The following SPAG8 variants were observed in gnomAD, a reference collection of about 807,000 sequenced individuals.
The protein encoded by SPAG8 is sperm-associated antigen 8.
A neutral mutation model predicts 45.3 loss-of-function variants in SPAG8; 36 were observed. The observed-to-expected ratio is 0.80, with a 90% CI of 0.61 to 1.05. SPAG8 has a LOEUF of 1.05. Ranked by LOEUF, SPAG8 falls within the 50% of genes least tolerant of loss-of-function variation. The pLI, the probability that SPAG8 is intolerant of heterozygous loss-of-function variation, is 0.00. For synonymous variants in SPAG8, 227 were observed against 232.6 expected, an observed-to-expected ratio of 0.98 and a Z score of 0.22; for missense variants, 573 against 609.2, an observed-to-expected ratio of 0.94 and a Z score of 0.63.
downstream of SPAG8, chr9:35,807,943 G>C (rs553859234): frequency 3.7e-6 from 2 of 544,536 alleles, no homozygotes; most frequent in African/African-American, 1.9e-5. Context: ...TCGTTGTATG[G>C]AAAGTACCTA....
Position 35,810,529 on chromosome 9 carries a change from T to C in SPAG8, c.1110A>G (p.Glu370=). 1 of 1,614,062 alleles carries C rather than the reference T, an allele frequency of 6.2e-7. No homozygotes were observed. Among genetic ancestry groups the C allele is most frequent in the Non-Finnish European group, 8.5e-7 (1 of 1,179,998 alleles). ...QICKEVQAEQ[E]PTRKLFEVES... Reference sequence around the variant, plus strand: ...CAACCTCGAAGAGCTTCCTTGTGGGTTCCTGTTCTGCCTGCACCTCTTTAC... The same window carrying C: ...CAACCTCGAAGAGCTTCCTTGTGGGCTCCTGTTCTGCCTGCACCTCTTTAC... The change falls in exon 5 of 7, where the codon GAA becomes GAG. Residue 370 remains glutamate (E), a synonymous_variant. Transcript: ENST00000396638.
In SPAG8 at chr9:35,811,233, GC is replaced by G; in HGVS notation, c.812del (p.Cys271SerfsTer47). ...ACTGGCCCCGCGGCAAAGTTTCATA[GC>G]AAACCATAAGCTTCCCTTTAATGTC... ...PPDIKGKLMV[C>X]YETLPRGQCL... On this transcript the variant is annotated frameshift_variant, in exon 2 of 7. Coordinates refer to ENST00000396638, the MANE Select transcript of SPAG8 (RefSeq NM_001039592.2). LOFTEE classifies it high-confidence loss of function. 2 of 1,599,052 alleles carry G rather than the reference GC, an allele frequency of 1.3e-6. No individual in the cohort carries two copies. Among genetic ancestry groups the G allele is most frequent in the Middle Eastern group, 1.7e-4 (1 of 5,972 alleles).
In SPAG8 at chr9:35,811,547, A is replaced by T. The variant is rs1828800487; in HGVS notation, c.499T>A (p.Ser167Thr). 6.2e-7 allele frequency: 1 copy of T among 1,606,898 alleles called. No individual in the cohort carries two copies. Residue 167 changes from serine (S) to threonine (T), a missense_variant, in exon 2 of 7, where the codon TCT becomes ACT. Ser to Thr is a moderately conservative substitution (Grantham distance 58). Transcript: ENST00000396638. ...GGACCAGAGCCAGAGCCAGGGACAG[A>T]GCCACAGCCAGGACCAGAGCCAGAG... The part of the protein sequence containing the change: ...SGSGSGPGCG[S>T]VPGSGSGPGP...
downstream of SPAG8, chr9:35,808,286 T>G: frequency 6.2e-7 from 1 of 1,612,480 alleles, no homozygotes; most frequent in South Asian, 1.1e-5. This position sits in a 1 kb window ranked among gnomAD's most constrained non-coding sequence, Gnocchi z 4.0. Flanking sequence ...CCGCAAATGT[T>G]TACTGAGTAT....
Position 35,810,296 on chromosome 9 carries a change from C to A in SPAG8, c.1214G>T (p.Arg405Leu), listed in dbSNP as rs370343464. Reference sequence around the variant, plus strand: ...CCAGAAGGTCTCAGGTTGCTCCTGGCGGTAGTCGTGAGGCTGTGAGGGAGG... The same window carrying A: ...CCAGAAGGTCTCAGGTTGCTCCTGGAGGTAGTCGTGAGGCTGTGAGGGAGG... ...TPAPTKPHDY[R>L]QEQPETFWIQ... The change falls in exon 6 of 7, where the codon CGC becomes CTC. Residue 405 changes from arginine (R) to leucine (L), a missense_variant. Physicochemically the swap from Arg to Leu is moderately radical, Grantham distance 102. Coordinates refer to ENST00000396638, the MANE Select transcript of SPAG8 (RefSeq NM_001039592.2). The A allele has an allele frequency of 1.2e-6, 2 of 1,614,128 alleles. No individual in the cohort carries two copies. The highest frequency in any genetic ancestry group is 1.7e-6 in the Non-Finnish European group (2 of 1,179,990).
chr9:35,811,360 GTA>G lies in SPAG8; in HGVS notation c.684_685del (p.Thr229LeufsTer36). On this transcript the variant is annotated frameshift_variant, in exon 2 of 7. Transcript: ENST00000396638. LOFTEE classifies it high-confidence loss of function. ...CCAGGGGCAGTGCTGACTCCAGGAG[GTA>G]TAGTTAGGGACCCGATCTGCCACCA... The G allele has an allele frequency of 6.2e-7, 1 of 1,614,168 alleles. No homozygotes were observed. The highest frequency in any genetic ancestry group is 1.1e-5 in the South Asian group (1 of 91,088).
rs1356676550 is a variant in SPAG8 at position 35,810,950 on chromosome 9, G to A, written c.972C>T (p.Pro324=). 3 of 1,614,004 alleles carry A rather than the reference G, an allele frequency of 1.9e-6. No homozygotes were observed. Among genetic ancestry groups the A allele is most frequent in the Non-Finnish European group, 2.5e-6 (3 of 1,180,034 alleles). The part of the protein sequence containing the change: ...RGLLTMQLKS[P]MPSSTTQKDS... ...CTTTCTGGGTGGTGCTGGAGGGCAT[G>A]GGTGACTTTAGTTGCATAGTCAGCA... Residue 324 remains proline (P), a synonymous_variant, in exon 3 of 7, where the codon CCC becomes CCT. Coordinates refer to ENST00000396638, the MANE Select transcript of SPAG8 (RefSeq NM_001039592.2).
downstream of SPAG8, chr9:35,808,132 T>C (rs1276310007): frequency 7.0e-7 from 1 of 1,428,788 alleles, no homozygotes; most frequent in East Asian, 2.3e-5. The surrounding 1 kb of genome is among the most constrained non-coding windows in gnomAD (Gnocchi z 4.0). Flanking sequence ...CTCTGACAGT[T>C]TGGGCTGTCA....
At chr9:35,808,540 T>C (rs919659730), downstream of SPAG8, 5 of 1,613,964 alleles carry the variant, frequency 3.1e-6, no homozygotes, top group Non-Finnish European at 3.4e-6. This position sits in a 1 kb window ranked among gnomAD's most constrained non-coding sequence, Gnocchi z 4.0. Flanking sequence ...TACATGGTGG[T>C]ATCTGGCCTC....
In SPAG8 at chr9:35,811,896, TGCTGCGGTTGCA is replaced by T. The variant is rs746351369; in HGVS notation, c.138_149del (p.Thr48_Ala51del). 6.2e-7 allele frequency: 1 copy of T among 1,609,468 alleles called. No homozygotes were observed. The highest frequency in any genetic ancestry group is 1.7e-5 in the Admixed American group (1 of 59,918). Reference sequence around the variant, plus strand: ...CAGCAGCTGATGCAGCCGCTGCAGCTGCTGCGGTTGCAGCTGCCAGGGCCGACCTGGGACTGT... The same window carrying T: ...CAGCAGCTGATGCAGCCGCTGCAGCTGCTGCCAGGGCCGACCTGGGACTGT... On this transcript the variant is annotated inframe_deletion, in exon 2 of 7. Transcript: ENST00000396638.
chr9:35,811,453 C>G lies in SPAG8; in HGVS notation c.593G>C (p.Gly198Ala), dbSNP rs148137070. 1.6e-5 allele frequency: 26 copies of G among 1,613,536 alleles called. No individual in the cohort carries two copies. The African/African-American group carries it at 3.5e-4, about 22-fold the overall frequency. Residue 198 changes from glycine to alanine, a missense_variant, in exon 2 of 7, where the codon GGG becomes GCG. By Grantham distance (60) the Gly-to-Ala change is moderately conservative. Transcript: ENST00000396638. ...GTCAGGGCCAGTGTCTGGACCAGGC[C>G]CAGAGGCAGGACCAGGATGAGAGCC... ...GSGSHPGPAS[G>A]PGPDTGPDSE...
At position 35,811,460 on chromosome 9, in the gene SPAG8, C is replaced by A; in HGVS notation, c.586G>T (p.Ala196Ser). The change falls in exon 2 of 7, where the codon GCC becomes TCC. Residue 196 changes from alanine to serine, a missense_variant. Physicochemically the swap from Ala to Ser is moderately conservative, Grantham distance 99. Transcript: ENST00000396638. Reference sequence around the variant, plus strand: ...CCAGTGTCTGGACCAGGCCCAGAGGCAGGACCAGGATGAGAGCCAGAGCCA... The same window carrying A: ...CCAGTGTCTGGACCAGGCCCAGAGGAAGGACCAGGATGAGAGCCAGAGCCA... ...GHGSGSHPGP[A>S]SGPGPDTGPD... is the part of the protein sequence containing the mutation. 1 of 1,613,630 alleles carries A rather than the reference C, an allele frequency of 6.2e-7. No individual in the cohort carries two copies. The highest frequency in any genetic ancestry group is 8.5e-7 in the Non-Finnish European group (1 of 1,179,674).
downstream of SPAG8, chr9:35,808,056 C>A: frequency 1.3e-6 from 1 of 760,862 alleles, no homozygotes; most frequent in South Asian, 1.6e-5. This position sits in a 1 kb window ranked among gnomAD's most constrained non-coding sequence, Gnocchi z 4.0. Context: ...TTCCTTAAAA[C>A]AATGGCATTT....
Position 35,811,461 on chromosome 9 carries a change from A to G in SPAG8, c.585T>C (p.Pro195=), listed in dbSNP as rs756791078. The G allele has an allele frequency of 6.2e-6, 10 of 1,613,568 alleles. No individual in the cohort carries two copies. The highest frequency in any genetic ancestry group is 8.5e-6 in the Non-Finnish European group (10 of 1,179,696). Residue 195 remains proline (P), a synonymous_variant, in exon 2 of 7, where the codon CCT becomes CCC. Coordinates refer to ENST00000396638, the MANE Select transcript of SPAG8 (RefSeq NM_001039592.2). ...CAGTGTCTGGACCAGGCCCAGAGGC[A>G]GGACCAGGATGAGAGCCAGAGCCAT... is the stretch of plus-strand genomic sequence containing the variant. ...PGHGSGSHPG[P]ASGPGPDTGP... is the part of the protein sequence containing the mutation.
At chr9:35,809,494 T>G (rs1231398661), downstream of SPAG8, 1 of 1,614,032 alleles carries the variant, frequency 6.2e-7, no homozygotes, top group East Asian at 2.2e-5. This position sits in a 1 kb window ranked among gnomAD's most constrained non-coding sequence, Gnocchi z 4.1. Flanking sequence ...GGTACCTGGG[T>G]GGGCAATGGC....
Position 35,810,423 on chromosome 9 carries a change from G to T in SPAG8, c.1200+16C>A, listed in dbSNP as rs779465266. 5.6e-6 allele frequency: 9 copies of T among 1,611,092 alleles called. No individual in the cohort carries two copies. Among genetic ancestry groups the T allele is most frequent in the Non-Finnish European group, 7.6e-6 (9 of 1,177,558 alleles). On this transcript the variant is annotated intron_variant, in intron 5 of 6. Transcript: ENST00000396638. ...CAGCTGGTGCAAGTGGCGGGGGATGGGGGGTGGGTTCTCACCTTTGTTGGG... is the reference window on the plus strand; with the variant it reads ...CAGCTGGTGCAAGTGGCGGGGGATGTGGGGTGGGTTCTCACCTTTGTTGGG...
chr9:35,811,185 T>C lies in SPAG8; in HGVS notation c.861A>G (p.Glu287=). The change falls in exon 2 of 7, where the codon GAA becomes GAG. Residue 287 remains glutamate (E), a synonymous_variant. Coordinates refer to ENST00000396638, the MANE Select transcript of SPAG8 (RefSeq NM_001039592.2). ...GAGCAGGCCAAAACTTTAATACCTC[T>C]TCCTCCCAGTTGTAGAGGAGGCACT... ...RGQCLLYNWE[E]ERATNHLDQV... The C allele has an allele frequency of 6.4e-7, 1 of 1,562,428 alleles. No individual in the cohort carries two copies. Among genetic ancestry groups the C allele is most frequent in the Non-Finnish European group, 8.7e-7 (1 of 1,155,034 alleles).
chr9:35,809,233 G>A (rs75891671), downstream of SPAG8: 1 of 1,614,030 alleles, frequency 6.2e-7, no homozygotes, highest in Non-Finnish European at 8.5e-7. This position sits in a 1 kb window ranked among gnomAD's most constrained non-coding sequence, Gnocchi z 4.1. Context: ...GCTTCGGGGG[G>A]ATGTGGAAAT....
Position 35,812,222 on chromosome 9 carries a change from C to T in SPAG8, c.-75G>A. On this transcript the variant is annotated 5_prime_UTR_variant, in exon 1 of 7. Transcript: ENST00000396638. ...GAGCCTGCGCAGAAGTACAGCTGGG[C>T]GGACTTGCAGGTGGCGGTGGAGGCA... is the stretch of plus-strand genomic sequence containing the variant. 1.3e-6 allele frequency: 2 copies of T among 1,552,730 alleles called. No homozygotes were observed. Among genetic ancestry groups the T allele is most frequent in the Non-Finnish European group, 1.7e-6 (2 of 1,145,524 alleles).
Sources: allele counts gnomAD v4.1 joint callset, GRCh38; gene constraint gnomAD v4.1.1; non-coding constraint Gnocchi (gnomAD v3.1); transcripts MANE v1.5; gene names NCBI Gene and HGNC (gene_info 2026-07-23, HGNC 2026-07-21).